Variants in STK32A observed in about 807,000 individuals in gnomAD.
STK32A encodes serine/threonine-protein kinase 32A.
In STK32A, 41 loss-of-function variants were observed where a neutral mutation model predicts 53.2. The observed-to-expected ratio is 0.77, with a 90% CI of 0.60 to 1.00. The LOEUF is 1.00. STK32A is among the 50% of genes least tolerant of loss of function. The pLI, the probability that STK32A is intolerant of heterozygous loss-of-function variation, is 0.00. For synonymous variants in STK32A, 166 were observed against 162.8 expected (o/e 1.02, Z -0.15); for missense variants, 458 against 485.8 (o/e 0.94, Z 0.54).
At chr5:147,359,960 C>A (rs754415297) in intron 7 of STK32A, among the ~76,000 whole-genome samples, 1 of 152,126 alleles carries the variant, frequency 6.6e-6, no homozygotes, top group Non-Finnish European at 1.5e-5. Context: ...CCATGTCATA[C>A]CAGTTTCCTT....
intron 8 of STK32A, among the ~76,000 whole-genome samples, chr5:147,364,294 T>C (rs1002971538): frequency 1.1e-4 from 17 of 148,954 alleles, no homozygotes; most frequent in African/African-American, 3.7e-4. Context: ...TTCTGCAAAA[T>C]AGTAGAACAC....
chr5:147,255,320 T>A (rs1057158079), intron 2 of STK32A, among the ~76,000 whole-genome samples: 1 of 152,184 alleles, frequency 6.6e-6, no homozygotes, highest in Non-Finnish European at 1.5e-5. Flanking sequence ...AAGAAGAAGC[T>A]TCTCTGGATA....
chr5:147,401,322 C>T, the STK32A span, among the ~76,000 whole-genome samples: 2 of 152,152 alleles, frequency 1.3e-5, no homozygotes, highest in Admixed American at 1.3e-4. Flanking sequence ...GTTTTAACTA[C>T]TATTACCATT....
At chr5:147,300,491 C>T (rs1753078208) in intron 4 of STK32A, among the ~76,000 whole-genome samples, 1 of 152,198 alleles carries the variant, frequency 6.6e-6, no homozygotes, top group Non-Finnish European at 1.5e-5. Context: ...TTTATCACTG[C>T]CTCATTCCCC....
intron 7 of STK32A, among the ~76,000 whole-genome samples, chr5:147,355,893 A>AT (rs1756214881): frequency 6.6e-6 from 1 of 151,694 alleles, no homozygotes; most frequent in East Asian, 1.9e-4. Context: ...ATTTCCAGAC[A>AT]TTTTTTCCTA....
At chr5:147,350,173 GC>G (rs936161562) in intron 6 of STK32A, among the ~76,000 whole-genome samples, 11 of 63,806 alleles carry the variant, frequency 1.7e-4, no homozygotes, top group African/African-American at 7.0e-4. Context: ...CCCACCCACC[GC>G]CCCCCGCTAT....
chr5:147,394,075 G>T, the STK32A span: 1 of 1,614,156 alleles, frequency 6.2e-7, no homozygotes, highest in Non-Finnish European at 8.5e-7. Context: ...GCCTGGGGGC[G>T]CCACGATGCG....
At chr5:147,332,771 C>T (rs553375804) in intron 5 of STK32A, among the ~76,000 whole-genome samples, 2 of 152,324 alleles carry the variant, frequency 1.3e-5, no homozygotes, top group South Asian at 4.1e-4. Context: ...GTGTTCTATT[C>T]AGCACCTGCT....
chr5:147,322,679 GA>G (rs1428150797), intron 4 of STK32A, among the ~76,000 whole-genome samples: 2 of 152,208 alleles, frequency 1.3e-5, no homozygotes, highest in Non-Finnish European at 2.9e-5. Context: ...AAACATGTCA[GA>G]GAACTTGACT....
chr5:147,336,572 C>A (rs1195955905), intron 5 of STK32A, among the ~76,000 whole-genome samples: 1 of 152,156 alleles, frequency 6.6e-6, no homozygotes, highest in African/African-American at 2.4e-5. Flanking sequence ...CTATGCTAAG[C>A]TCTAGAGAGT....
chr5:147,260,411 T>C (rs1319466362), intron 2 of STK32A, among the ~76,000 whole-genome samples: 1 of 151,810 alleles, frequency 6.6e-6, no homozygotes, highest in African/African-American at 2.4e-5. Flanking sequence ...CTCCTTCCTC[T>C]TTCCCTAAGG....
In STK32A at chr5:147,235,117, G is replaced by C. The variant is rs572386585; in HGVS notation, c.-179G>C. The stretch of plus-strand genomic sequence containing the variant: ...TGCCTTTTCTTGCTCCTTGCTCTTG[G>C]AGTTCTTCTCTTAGTCCCTGTTCCC... On this transcript the variant is annotated 5_prime_UTR_variant, in exon 1 of 13. Transcript: ENST00000397936. 1 of 153,920 alleles carries C rather than the reference G, an allele frequency of 6.5e-6. No individual in the cohort carries two copies. The highest frequency in any genetic ancestry group is 6.5e-5 in the Admixed American group (1 of 15,320). The allele number at this position is 153,920 out of a possible 1,614,324, so 9.5% of individuals were successfully genotyped here. A position where few individuals can be genotyped will look rare whatever the true frequency, so the allele number is the denominator to read the frequency against.
At chr5:147,381,617 T>C (rs1428483468) in intron 11 of STK32A, among the ~76,000 whole-genome samples, 1 of 150,076 alleles carries the variant, frequency 6.7e-6, no homozygotes, top group Non-Finnish European at 1.5e-5. Context: ...CACTCCAGTC[T>C]GGGCAACAGA....
At chr5:147,280,416 G>A (rs1172600694) in intron 4 of STK32A, among the ~76,000 whole-genome samples, 1 of 150,748 alleles carries the variant, frequency 6.6e-6, no homozygotes, top group Non-Finnish European at 1.5e-5. Context: ...TGGCGGGGGA[G>A]GGGGGTTGGG....
At chr5:147,280,583 C>A (rs971417493) in intron 4 of STK32A, among the ~76,000 whole-genome samples, 5 of 151,964 alleles carry the variant, frequency 3.3e-5, no homozygotes, top group African/African-American at 1.2e-4. Flanking sequence ...AGGTACACAA[C>A]TCCAGTGACC....
chr5:147,314,387 A>G (rs1265656510), intron 4 of STK32A, among the ~76,000 whole-genome samples: 1 of 151,896 alleles, frequency 6.6e-6, no homozygotes, highest in East Asian at 1.9e-4. Context: ...ATCCCCAGCT[A>G]CTTGGGAGGC....
intron 4 of STK32A, among the ~76,000 whole-genome samples, chr5:147,309,147 A>G (rs537842100): frequency 3.7e-3 from 571 of 152,280 alleles, no homozygotes; most frequent in Non-Finnish European, 6.6e-3. Context: ...AATGTGACTC[A>G]GGGCACAGGT....
At chr5:147,359,241 G>C (rs1351208397) in intron 7 of STK32A, among the ~76,000 whole-genome samples, 2 of 152,028 alleles carry the variant, frequency 1.3e-5, no homozygotes, top group African/African-American at 4.8e-5. Flanking sequence ...CTATTTGAGG[G>C]CTCAAATAAT....
chr5:147,400,987 G>C, the STK32A span, among the ~76,000 whole-genome samples: 1 of 152,188 alleles, frequency 6.6e-6, no homozygotes, highest in African/African-American at 2.4e-5. Context: ...GCTTGGATGA[G>C]TTTCTTCCCC....
Sources: allele counts gnomAD v4.1 joint callset (sites outside exome capture counted in the v4.1 genomes callset), GRCh38; gene constraint gnomAD v4.1.1; transcripts MANE v1.5; gene names NCBI Gene and HGNC (gene_info 2026-07-23, HGNC 2026-07-21).